Variants in ITGA1 observed in about 807,000 individuals in gnomAD.
ITGA1 encodes integrin subunit alpha 1, also known as integrin alpha-1.
ITGA1 carries 85 observed loss-of-function variants against 145.9 expected under a neutral mutation model. The observed-to-expected ratio is 0.58, with a 90% CI of 0.49 to 0.70. The LOEUF is 0.70. Ranked by LOEUF, ITGA1 falls within the 30% of genes least tolerant of loss-of-function variation. The probability of loss-of-function intolerance (pLI) is 0.00; values close to 1 mark genes in which losing one functional copy is unlikely to be tolerated. For synonymous variants in ITGA1, 520 were observed against 495.3 expected, an observed-to-expected ratio of 1.05 and a Z score of -0.66; for missense variants, 1,351 against 1,418.7, an observed-to-expected ratio of 0.95 and a Z score of 0.77.
chr5:52,812,790 T>C (rs1289998876), intron 1 of ITGA1, among the ~76,000 whole-genome samples: 6 of 17,698 alleles, frequency 3.4e-4, no homozygotes, highest in Middle Eastern at 0.024. Flanking sequence ...TTCTTATCGC[T>C]TTTTTTTTTT....
rs190861799 is a variant in ITGA1 at position 52,917,317 on chromosome 5, A to G, written c.1989-1415A>G. Among the ~76,000 whole-genome samples the G allele has an allele frequency of 2.2e-3, 328 of 152,340 alleles. 2 individuals are homozygous for G. Among genetic ancestry groups the G allele is most frequent in the African/African-American group, 7.2e-3 (301 of 41,592 alleles). On this transcript the variant is annotated intron_variant, in intron 15 of 28. Transcript: ENST00000282588. Reference sequence around the variant, plus strand: ...AAAACTCATTCGAAGGTCTTTATCAATAAGTGTTTAAAAGCATTCCAATGT... The same window carrying G: ...AAAACTCATTCGAAGGTCTTTATCAGTAAGTGTTTAAAAGCATTCCAATGT...
intron 20 of ITGA1, among the ~76,000 whole-genome samples, chr5:52,928,546 C>T (rs1193935073): frequency 6.6e-6 from 1 of 152,194 alleles, no homozygotes; most frequent in Non-Finnish European, 1.5e-5. Flanking sequence ...AACATTTTCA[C>T]ACACCACAAA....
chr5:52,794,686 C>T (rs1195637306), intron 1 of ITGA1, among the ~76,000 whole-genome samples: 1 of 151,354 alleles, frequency 6.6e-6, no homozygotes, highest in Non-Finnish European at 1.5e-5. Flanking sequence ...CAAAAAAAAC[C>T]ACTTTCCCTT....
chr5:52,797,487 A>G (rs1006735845), intron 1 of ITGA1, among the ~76,000 whole-genome samples: 10 of 151,782 alleles, frequency 6.6e-5, no homozygotes, highest in Admixed American at 5.9e-4. Context: ...TATGTAGAAG[A>G]GAAAAGTATA....
chr5:52,800,047 A>C, intron 1 of ITGA1: 1 of 305,828 alleles, frequency 3.3e-6, no homozygotes, highest in African/African-American at 2.2e-5. Flanking sequence ...TCCTTTGGGG[A>C]CGGGAGACGT....
intron 28 of ITGA1, among the ~76,000 whole-genome samples, chr5:52,950,377 T>G (rs973695977): frequency 2.0e-5 from 3 of 152,200 alleles, no homozygotes; most frequent in Admixed American, 2.0e-4. Context: ...CACTTTTTAG[T>G]CTTTTATACA....
intron 1 of ITGA1, among the ~76,000 whole-genome samples, chr5:52,823,267 C>T (rs181741351): frequency 8.0e-4 from 121 of 152,168 alleles, no homozygotes; most frequent in African/African-American, 2.6e-3. Context: ...TGCAGTGGTA[C>T]GATATTGGCT....
chr5:52,873,199 C>T (rs1242014331), intron 6 of ITGA1, among the ~76,000 whole-genome samples: 1 of 152,186 alleles, frequency 6.6e-6, no homozygotes, highest in East Asian at 1.9e-4. Flanking sequence ...CTGGAAGGTA[C>T]TTGCTTGTGG....
intron 7 of ITGA1, 136 bp downstream of exon 7, chr5:52,882,157 T>C: frequency 3.0e-6 from 2 of 671,510 alleles, no homozygotes; most frequent in Non-Finnish European, 4.7e-6. Flanking sequence ...ATTCAGAAGA[T>C]TAAATAATGG....
chr5:52,822,068 G>A lies in ITGA1; in HGVS notation c.62-27297G>A, dbSNP rs79911984. Among the ~76,000 whole-genome samples, 101 of 152,242 alleles carry A rather than the reference G, an allele frequency of 6.6e-4. 3 individuals carry two copies. The East Asian group carries it at 0.016, about 24-fold the overall frequency. ...TGGAAGAATGTCAACAACAAAATTG[G>A]CAATGGGACTATTTGAGAATTTGCC... On this transcript the variant is annotated intron_variant, in intron 1 of 28. Coordinates refer to ENST00000282588, the MANE Select transcript of ITGA1 (RefSeq NM_181501.2).
chr5:52,906,084 G>T (rs1303004548), intron 12 of ITGA1, among the ~76,000 whole-genome samples, 176 bp downstream of exon 12: 1 of 152,160 alleles, frequency 6.6e-6, no homozygotes, highest in Non-Finnish European at 1.5e-5. Context: ...TTGTCTTCAT[G>T]TTGGATGGGT....
At position 52,953,636 on chromosome 5, in the gene ITGA1, A is replaced by G. The variant is rs1751262344; in HGVS notation, c.*1185A>G. 1 of 152,226 alleles carries G rather than the reference A, an allele frequency of 6.6e-6. No homozygotes were observed. Among genetic ancestry groups the G allele is most frequent in the Non-Finnish European group, 1.5e-5 (1 of 68,044 alleles). The allele number at this position is 152,226 out of a possible 1,614,324, so 9.4% of individuals were successfully genotyped here. On this transcript the variant is annotated 3_prime_UTR_variant, in exon 29 of 29. Transcript: ENST00000282588. ...TAAAGAATTTCAGGTTTGAAAACTC[A>G]AACCAACAGGAAGATATCACACCTT...
intron 26 of ITGA1, among the ~76,000 whole-genome samples, chr5:52,943,244 C>T (rs1158703350): frequency 6.6e-6 from 1 of 152,112 alleles, no homozygotes; most frequent in Admixed American, 6.5e-5. Flanking sequence ...AGGTATGTTT[C>T]TTTGATGCCT....
At chr5:52,951,924 G>T (rs1751226993) in intron 28 of ITGA1, among the ~76,000 whole-genome samples, 1 of 152,164 alleles carries the variant, frequency 6.6e-6, no homozygotes, top group African/African-American at 2.4e-5. Context: ...CGGCGCGATG[G>T]CTCACGCCTG....
At position 52,887,867 on chromosome 5, in the gene ITGA1, A is replaced by C; in HGVS notation, c.826A>C (p.Met276Leu). The change falls in exon 8 of 29, where the codon ATG (methionine) becomes CTG (leucine). Residue 276 changes from methionine to leucine, a missense_variant. By Grantham distance (15) the Met-to-Leu change is conservative. Coordinates refer to ENST00000282588, the MANE Select transcript of ITGA1 (RefSeq NM_181501.2). ...TGCCCGAAGAGGAGTTAAAAAAGTC[A>C]TGGTTATTGTGACAGATGGAGAGTC... is the stretch of plus-strand genomic sequence containing the variant. ...RGARRGVKKV[M>L]VIVTDGESHD... 1 of 1,614,126 alleles carries C rather than the reference A, an allele frequency of 6.2e-7. No individual in the cohort carries two copies. The highest frequency in any genetic ancestry group is 8.5e-7 in the Non-Finnish European group (1 of 1,179,944).
intron 1 of ITGA1, among the ~76,000 whole-genome samples, chr5:52,832,775 G>GTGTGTGTGTGTC (rs67899187): frequency 0.22 from 24,570 of 109,834 alleles, 2,644 homozygotes; most frequent in Middle Eastern, 0.27. Flanking sequence ...CTGTGTGTGT[G>GTGTGTGTGTGTC]TGTGTGTGTG....
intron 1 of ITGA1, among the ~76,000 whole-genome samples, chr5:52,833,811 G>A (rs923970103): frequency 2.0e-5 from 3 of 152,046 alleles, no homozygotes; most frequent in African/African-American, 7.2e-5. Flanking sequence ...CATTTAAAGG[G>A]GAGGTATATT....
chr5:52,823,339 G>C (rs1431546324), intron 1 of ITGA1, among the ~76,000 whole-genome samples: 1 of 152,134 alleles, frequency 6.6e-6, no homozygotes, highest in Non-Finnish European at 1.5e-5. Context: ...CGAGTAGCTG[G>C]GATTATAGGC....
intron 6 of ITGA1, among the ~76,000 whole-genome samples, 153 bp downstream of exon 6, chr5:52,865,970 G>A (rs575921246): frequency 6.6e-6 from 1 of 151,846 alleles, no homozygotes; most frequent in East Asian, 1.9e-4. Context: ...CTGATAAAAA[G>A]GACATTACTT....
Sources: allele counts gnomAD v4.1 joint callset (sites outside exome capture counted in the v4.1 genomes callset), GRCh38; gene constraint gnomAD v4.1.1; transcripts MANE v1.5; gene names NCBI Gene and HGNC (gene_info 2026-07-23, HGNC 2026-07-21).